Variants in SHOC2 observed in about 807,000 individuals in gnomAD.
SHOC2 encodes SHOC2 leucine rich repeat scaffold protein, also known as leucine-rich repeat protein SHOC-2.
Under a neutral mutation model 50.2 loss-of-function variants are expected in SHOC2, and 4 were observed. The ratio of observed to expected loss-of-function variants is 0.08; its 90% confidence interval spans 0.04 to 0.18. SHOC2 has a LOEUF of 0.18. SHOC2 is among the 10% of genes least tolerant of loss of function. The pLI is 1.00. For synonymous variants in SHOC2, 218 were observed against 244.5 expected (o/e 0.89, Z 1.01); for missense variants, 388 against 669.6 (o/e 0.58, Z 4.64).
intron 3 of SHOC2, among the ~76,000 whole-genome samples, chr10:110,998,528 ATTG>A (rs1423937165): frequency 5.9e-5 from 9 of 152,024 alleles, no homozygotes; most frequent in Non-Finnish European, 1.2e-4. Context: ...GTAGTTTTTT[ATTG>A]TTGCTTTTGT....
chr10:110,963,467 A>G (rs1486467031), intron 1 of SHOC2, among the ~76,000 whole-genome samples: 1 of 152,042 alleles, frequency 6.6e-6, no homozygotes, highest in Non-Finnish European at 1.5e-5. Context: ...CTTTCCCTGA[A>G]CTGTGCTGTT....
chr10:110,985,641 C>G lies in SHOC2; in HGVS notation c.717C>G (p.Asn239Lys). 1 of 1,610,196 alleles carries G rather than the reference C, an allele frequency of 6.2e-7. No individual in the cohort carries two copies. Among genetic ancestry groups the G allele is most frequent in the Non-Finnish European group, 8.5e-7 (1 of 1,177,878 alleles). ...QLPAEIGELC[N>K]LITLDVAHNQ... is the part of the protein sequence containing the mutation. Reference sequence around the variant, plus strand: ...GTCAATTTACAGGTGAATTATGTAACCTCATTACGCTGGATGTAGCTCACA... The same window carrying G: ...GTCAATTTACAGGTGAATTATGTAAGCTCATTACGCTGGATGTAGCTCACA... The change falls in exon 3 of 9, where the codon AAC (asparagine) becomes AAG (lysine). Residue 239 changes from asparagine to lysine, a missense_variant. Physicochemically the swap from Asn to Lys is moderately conservative, Grantham distance 94. Transcript: ENST00000369452.
chr10:110,967,146 T>C lies in SHOC2; in HGVS notation c.703+2085T>C, dbSNP rs550793842. ...GTCCGTGTATACTTTAATTATACTA[T>C]CTTATATCCTTACAGTAACCCAATG... On this transcript the variant is annotated intron_variant, in intron 2 of 8. Transcript: ENST00000369452. 2.6e-5 allele frequency among the ~76,000 whole-genome samples: 4 copies of C among 152,314 alleles called. No individual in the cohort carries two copies. In the South Asian group the frequency reaches 8.3e-4, roughly 32 times the overall value.
rs730881019 is a variant in SHOC2 at position 110,964,432 on chromosome 10, A to G, written c.74A>G (p.Glu25Gly). Reference protein sequence around the residue: ...DPKVPSAKEREKEAKASGGFG... With the variant: ...DPKVPSAKERGKEAKASGGFG... ...AAAGTACCATCAGCCAAGGAAAGAG[A>G]AAAGGAGGCAAAAGCCTCTGGAGGT... The change falls in exon 2 of 9, where the codon GAA (glutamate) becomes GGA (glycine). Residue 25 changes from glutamate (E) to glycine (G), a missense_variant. Physicochemically the swap from Glu to Gly is moderately conservative, Grantham distance 98 (BLOSUM62 -2). Transcript: ENST00000369452. The surrounding 1 kb of genome is among the most constrained non-coding windows in gnomAD (Gnocchi z 4.9). 8.3e-5 allele frequency: 134 copies of G among 1,613,228 alleles called. 2 individuals are homozygous for G. In the Middle Eastern group the frequency reaches 1.3e-3, roughly 16 times the overall value.
chr10:111,001,813 G>A (rs55879225), intron 4 of SHOC2, among the ~76,000 whole-genome samples: 11,143 of 151,264 alleles, frequency 0.074, 797 homozygotes, highest in East Asian at 0.3. Flanking sequence ...GCAGGCGGGC[G>A]GATCACTTGA....
intron 1 of SHOC2, chr10:110,936,589 C>CA (rs754618646): frequency 3.4e-6 from 1 of 292,748 alleles, no homozygotes; most frequent in African/African-American, 3.1e-5. Context: ...TTTTCTTTTC[C>CA]TTTTTTTTTT....
chr10:110,934,054 A>G (rs942002842), intron 1 of SHOC2, among the ~76,000 whole-genome samples: 1 of 152,228 alleles, frequency 6.6e-6, no homozygotes, highest in Non-Finnish European at 1.5e-5. Flanking sequence ...TTTAAATAAT[A>G]TATCATTTGC....
intron 4 of SHOC2, among the ~76,000 whole-genome samples, chr10:111,004,035 G>A (rs1848426499): frequency 6.6e-6 from 1 of 152,122 alleles, no homozygotes; most frequent in South Asian, 2.1e-4. Flanking sequence ...GTACATATAT[G>A]CCCTCAGAAA....
chr10:111,009,167 T>G, intron 6 of SHOC2, 81 bp from the exon 7 acceptor site: 3 of 962,136 alleles, frequency 3.1e-6, no homozygotes, highest in Non-Finnish European at 4.9e-6. Flanking sequence ...TTAGCATTGC[T>G]TAATAGATTT....
chr10:110,928,613 A>G (rs921447721), intron 1 of SHOC2, among the ~76,000 whole-genome samples: 11 of 152,190 alleles, frequency 7.2e-5, no homozygotes, highest in Non-Finnish European at 1.3e-4. Context: ...CATCAGCTGT[A>G]TGGCAGGCAC....
chr10:110,974,172 T>G (rs1457961415), intron 2 of SHOC2, among the ~76,000 whole-genome samples: 1 of 152,200 alleles, frequency 6.6e-6, no homozygotes, highest in East Asian at 1.9e-4. Flanking sequence ...AGTACTTTTT[T>G]AGCAGCACAC....
chr10:110,921,581 G>T (rs1846651779), intron 1 of SHOC2, among the ~76,000 whole-genome samples: 1 of 151,962 alleles, frequency 6.6e-6, no homozygotes, highest in African/African-American at 2.4e-5. Flanking sequence ...GGTTTTTATG[G>T]GTTATATGAG....
intron 1 of SHOC2, among the ~76,000 whole-genome samples, chr10:110,940,935 T>A (rs1253723900): frequency 3.6e-5 from 1 of 27,876 alleles, no homozygotes; most frequent in Non-Finnish European, 7.5e-5. Flanking sequence ...TTTTTTTTTT[T>A]TTTTTTTTTT....
chr10:110,942,580 C>A lies in SHOC2; in HGVS notation c.-234-21545C>A, dbSNP rs752115835. Among the ~76,000 whole-genome samples the A allele has an allele frequency of 1.9e-4, 29 of 152,190 alleles. 1 individual carries two copies. Among genetic ancestry groups the A allele is most frequent in the Non-Finnish European group, 4.3e-4 (29 of 68,024 alleles). ...GAAAATGTCTGCCAAATACTAGAGA[C>A]TGAAGAGCCGCACGTTCTCCTCAAC... On this transcript the variant is annotated intron_variant, in intron 1 of 8. Coordinates refer to ENST00000369452, the MANE Select transcript of SHOC2 (RefSeq NM_007373.4).
chr10:110,946,955 C>T (rs958338140), intron 1 of SHOC2, among the ~76,000 whole-genome samples: 6 of 152,056 alleles, frequency 3.9e-5, no homozygotes, highest in Non-Finnish European at 8.8e-5. Context: ...AGAAGCATTT[C>T]GAATAACCAC....
intron 1 of SHOC2, among the ~76,000 whole-genome samples, chr10:110,926,668 A>G (rs1488591016): frequency 1.3e-5 from 2 of 152,224 alleles, no homozygotes; most frequent in Non-Finnish European, 2.9e-5. Context: ...TTTTATACAT[A>G]GAATAGTATA....
At position 110,950,027 on chromosome 10, in the gene SHOC2, A is replaced by G. The variant is rs191782738; in HGVS notation, c.-234-14098A>G. Among the ~76,000 whole-genome samples, 789 of 152,322 alleles carry G rather than the reference A, an allele frequency of 5.2e-3. 8 individuals are homozygous for G. The highest frequency in any genetic ancestry group is 0.018 in the African/African-American group (756 of 41,590). ...TCTTCTCTCATCACTTCTAGTTTAT[A>G]AAGTACTGTACATCTGAATCAAAGC... On this transcript the variant is annotated intron_variant, in intron 1 of 8. Coordinates refer to ENST00000369452, the MANE Select transcript of SHOC2 (RefSeq NM_007373.4).
intron 2 of SHOC2, among the ~76,000 whole-genome samples, chr10:110,972,658 A>T (rs1308340578): frequency 6.6e-6 from 1 of 152,184 alleles, no homozygotes; most frequent in Non-Finnish European, 1.5e-5. Flanking sequence ...CAGCCTGGGC[A>T]ACATGGCAAA....
intron 1 of SHOC2, among the ~76,000 whole-genome samples, chr10:110,957,904 A>G (rs1284069600): frequency 2.0e-5 from 3 of 152,156 alleles, no homozygotes; most frequent in Non-Finnish European, 4.4e-5. Flanking sequence ...CAACAGATTA[A>G]TTTGCTTCTG....
Sources: gnomAD v4.1 joint callset for allele counts (sites outside exome capture counted in the v4.1 genomes callset) on GRCh38, gnomAD v4.1.1 for gene constraint, Gnocchi (gnomAD v3.1) non-coding constraint, MANE v1.5 for transcripts, NCBI Gene and HGNC (gene_info 2026-07-23, HGNC 2026-07-21) for gene names.